DLC1: variants seen among roughly 807,000 people sequenced by gnomAD.
The protein encoded by DLC1 is rho GTPase-activating protein 7.
Under a neutral mutation model 140.3 loss-of-function variants are expected in DLC1, and 54 were observed. The observed-to-expected ratio is 0.38, with a 90% CI of 0.31 to 0.48. DLC1 has a LOEUF of 0.48. Ranked by LOEUF, DLC1 falls within the 20% of genes least tolerant of loss-of-function variation. The pLI, the probability that DLC1 is intolerant of heterozygous loss-of-function variation, is 0.96. For synonymous variants in DLC1, 986 were observed against 728.1 expected, an observed-to-expected ratio of 1.35 and a Z score of -5.70; for missense variants, 2,536 against 1,907.0, an observed-to-expected ratio of 1.33 and a Z score of -6.14.
At chr8:13,360,417 G>T (rs373173649) in intron 4 of DLC1, among the ~76,000 whole-genome samples, 1 of 152,044 alleles carries the variant, frequency 6.6e-6, no homozygotes. Flanking sequence ...CTGTAGCCAG[G>T]GTTGCAAACC....
chr8:13,254,462 A>T (rs2117298670), intron 5 of DLC1, among the ~76,000 whole-genome samples: 1 of 152,330 alleles, frequency 6.6e-6, no homozygotes, highest in South Asian at 2.1e-4. Context: ...ATGGAAACAA[A>T]CTATAACCTA....
At chr8:13,430,515 T>A (rs1838815993) in intron 2 of DLC1, among the ~76,000 whole-genome samples, 1 of 152,110 alleles carries the variant, frequency 6.6e-6, no homozygotes, top group Non-Finnish European at 1.5e-5. Context: ...TTCATTCTTT[T>A]GAAAAAAATG....
chr8:13,326,313 G>A (rs1306273101), intron 4 of DLC1, among the ~76,000 whole-genome samples: 1 of 152,176 alleles, frequency 6.6e-6, no homozygotes, highest in African/African-American at 2.4e-5. Flanking sequence ...TGGAAGGGTT[G>A]CATTTATAGC....
chr8:13,590,526 G>A (rs1805483431), intron 1 of DLC1, among the ~76,000 whole-genome samples: 1 of 152,008 alleles, frequency 6.6e-6, no homozygotes, highest in South Asian at 2.1e-4. Context: ...AGACACCAGT[G>A]TTTTCTATAG....
intron 1 of DLC1, among the ~76,000 whole-genome samples, chr8:13,525,826 T>G (rs1447748732): frequency 6.6e-6 from 1 of 152,180 alleles, no homozygotes; most frequent in African/African-American, 2.4e-5. Flanking sequence ...TTTTGATAAA[T>G]GAAATAACTC....
intron 5 of DLC1, among the ~76,000 whole-genome samples, chr8:13,146,938 G>A (rs78613228): frequency 0.063 from 9,615 of 152,100 alleles, 593 homozygotes; most frequent in East Asian, 0.25. Context: ...GACTAATGTA[G>A]TATAAATTTT....
intron 2 of DLC1, among the ~76,000 whole-genome samples, chr8:13,411,582 G>T (rs1011185495): frequency 2.6e-5 from 4 of 152,140 alleles, no homozygotes; most frequent in African/African-American, 4.8e-5. Context: ...GTCATTGATT[G>T]TTACAAATGT....
chr8:13,553,986 G>A (rs542712665), intron 1 of DLC1, among the ~76,000 whole-genome samples: 1 of 151,954 alleles, frequency 6.6e-6, no homozygotes, highest in African/African-American at 2.4e-5. Context: ...ATTAGTATTC[G>A]GGACTTCTTG....
intron 5 of DLC1, among the ~76,000 whole-genome samples, chr8:13,159,546 C>T (rs557580536): frequency 1.2e-4 from 19 of 152,294 alleles, no homozygotes; most frequent in African/African-American, 4.6e-4. Flanking sequence ...CTTTTGTTTA[C>T]TATTGTGAAA....
intron 1 of DLC1, among the ~76,000 whole-genome samples, chr8:13,601,349 A>G (rs567426237): frequency 6.6e-6 from 1 of 151,976 alleles, no homozygotes; most frequent in African/African-American, 2.4e-5. Flanking sequence ...CCTGTCTGAG[A>G]AAATTGTGAT....
chr8:13,128,513 C>T (rs62493015), intron 5 of DLC1, among the ~76,000 whole-genome samples: 1 of 152,160 alleles, frequency 6.6e-6, no homozygotes, highest in Non-Finnish European at 1.5e-5. Context: ...AGAGAAGTCT[C>T]GTTGCTGCCT....
At chr8:13,541,878 G>A (rs1803497418) in intron 1 of DLC1, among the ~76,000 whole-genome samples, 1 of 152,092 alleles carries the variant, frequency 6.6e-6, no homozygotes, top group African/African-American at 2.4e-5. Context: ...TATATTCTTT[G>A]GTGTAGTGTC....
intron 2 of DLC1, among the ~76,000 whole-genome samples, chr8:13,466,946 CA>C (rs1221323435): frequency 2.1e-4 from 4 of 19,168 alleles, no homozygotes; most frequent in African/African-American, 3.9e-4. Context: ...TCTACTATTT[CA>C]CAAAAAAAAA....
intron 4 of DLC1, chr8:13,353,606 C>G (rs1324842929): frequency 1.3e-5 from 2 of 152,316 alleles, no homozygotes; most frequent in Non-Finnish European, 2.9e-5. Context: ...TCTGTAATCC[C>G]AGCACTTTGG....
At chr8:13,543,658 C>T (rs918994732) in intron 1 of DLC1, among the ~76,000 whole-genome samples, 1 of 152,074 alleles carries the variant, frequency 6.6e-6, no homozygotes, top group Non-Finnish European at 1.5e-5. Flanking sequence ...ATATTACTCA[C>T]TCATAAAAAA....
chr8:13,468,875 C>T (rs1002641983), intron 2 of DLC1, among the ~76,000 whole-genome samples: 2 of 126,012 alleles, frequency 1.6e-5, no homozygotes, highest in Non-Finnish European at 3.1e-5. Context: ...GGCTGGAGTG[C>T]AGTGGTGCAA....
At chr8:13,098,172 C>T (rs1040887742) in intron 10 of DLC1, among the ~76,000 whole-genome samples, 15 of 151,952 alleles carry the variant, frequency 9.9e-5, no homozygotes, top group Admixed American at 9.8e-4. Context: ...CTGCAGTGAG[C>T]CGAGATCGCA....
Position 13,571,555 on chromosome 8 carries a change from T to C in DLC1, c.-126+32982A>G, listed in dbSNP as rs146815287. ...ATTTTTATAGCTGAGTAATATTCCA[T>C]TGTAGGTATATGTAACATGTACGTG... On this transcript the variant is annotated intron_variant, in intron 1 of 1. Coordinates refer to the DLC1 transcript ENST00000631382. Among the ~76,000 whole-genome samples the C allele has an allele frequency of 4.6e-4, 70 of 152,346 alleles. 1 individual carries two copies. In the East Asian group the frequency reaches 0.012, roughly 25 times the overall value.
intron 1 of DLC1, among the ~76,000 whole-genome samples, chr8:13,551,578 A>G (rs959874000): frequency 1.3e-5 from 2 of 151,882 alleles, no homozygotes; most frequent in African/African-American, 2.4e-5. Context: ...CAACTATAAA[A>G]CTTCTGGAGT....
Sources: gnomAD v4.1 joint callset for allele counts (sites outside exome capture counted in the v4.1 genomes callset) on GRCh38, gnomAD v4.1.1 for gene constraint, MANE v1.5 for transcripts, NCBI Gene and HGNC (gene_info 2026-07-23, HGNC 2026-07-21) for gene names.